The following PIP5K1B variants were observed in gnomAD, a reference collection of about 807,000 sequenced individuals.
The protein encoded by PIP5K1B is phosphatidylinositol-4-phosphate 5-kinase type 1 beta.
In PIP5K1B, 42 loss-of-function variants were observed where a neutral mutation model predicts 67.0. The ratio of observed to expected loss-of-function variants is 0.63; its 90% CI spans 0.49 to 0.81. The LOEUF is 0.81. Ranked by LOEUF, PIP5K1B falls within the 30% of genes least tolerant of loss-of-function variation. The pLI is 0.00. For synonymous variants in PIP5K1B, 214 were observed against 231.4 expected (o/e 0.92, Z 0.68); for missense variants, 459 against 646.3 (o/e 0.71, Z 3.14).
At chr9:68,926,659 C>A (rs901845480) in intron 12 of PIP5K1B, among the ~76,000 whole-genome samples, 2 of 152,118 alleles carry the variant, frequency 1.3e-5, no homozygotes, top group African/African-American at 4.8e-5. Context: ...GCAACCTCTG[C>A]CTCCTGGGTT....
At chr9:68,969,457 G>C (rs1433053899) in intron 14 of PIP5K1B, among the ~76,000 whole-genome samples, 1 of 152,002 alleles carries the variant, frequency 6.6e-6, no homozygotes, top group Non-Finnish European at 1.5e-5. Flanking sequence ...CTATTATTAG[G>C]GGTGCTGATT....
At chr9:68,913,747 G>A (rs1019403920) in intron 8 of PIP5K1B, among the ~76,000 whole-genome samples, 1 of 152,010 alleles carries the variant, frequency 6.6e-6, no homozygotes. Flanking sequence ...TTGGCCTCAC[G>A]AGGACAACTC....
chr9:69,005,933 G>A (rs866496739), intron 15 of PIP5K1B, among the ~76,000 whole-genome samples: 1 of 151,486 alleles, frequency 6.6e-6, no homozygotes, highest in Admixed American at 6.6e-5. Context: ...AGGCTGGAAT[G>A]CAGCAGTGTG....
chr9:68,972,219 C>T (rs1306073456), intron 14 of PIP5K1B, among the ~76,000 whole-genome samples: 2 of 152,134 alleles, frequency 1.3e-5, no homozygotes, highest in Admixed American at 6.6e-5. Flanking sequence ...AGCCAGTTTT[C>T]CCAACACCAT....
At chr9:68,741,753 CTT>C (rs1463383093) in intron 1 of PIP5K1B, 2 of 152,288 alleles carry the variant, frequency 1.3e-5, no homozygotes, top group African/African-American at 4.8e-5. Flanking sequence ...CTCTTCCTCT[CTT>C]TGGCATTTCT....
intron 14 of PIP5K1B, among the ~76,000 whole-genome samples, chr9:68,955,315 A>T (rs1587715960): frequency 6.6e-6 from 1 of 152,218 alleles, no homozygotes; most frequent in African/African-American, 2.4e-5. Context: ...ATGTACATTG[A>T]TCACTTTTAT....
intron 2 of PIP5K1B, chr9:68,781,308 G>T: frequency 3.3e-6 from 1 of 305,500 alleles, no homozygotes; most frequent in South Asian, 6.4e-5. Flanking sequence ...GTTATCCCTT[G>T]ATTTTTTTAA....
chr9:68,894,298 A>G (rs767154644), intron 7 of PIP5K1B, 41 bp from the exon 8 acceptor site: 2 of 1,290,526 alleles, frequency 1.5e-6, no homozygotes, highest in Non-Finnish European at 2.2e-6. Context: ...TTTTGTCAAA[A>G]TAGAAGATTG....
chr9:68,928,544 G>C (rs1826825251), intron 12 of PIP5K1B, among the ~76,000 whole-genome samples: 1 of 152,018 alleles, frequency 6.6e-6, no homozygotes, highest in Non-Finnish European at 1.5e-5. Flanking sequence ...TTTAATCTAT[G>C]TTGTATTCAT....
At chr9:69,000,148 C>T (rs1471564183) in intron 15 of PIP5K1B, among the ~76,000 whole-genome samples, 2 of 152,176 alleles carry the variant, frequency 1.3e-5, no homozygotes, top group East Asian at 1.9e-4. Flanking sequence ...TTGAAAGGCT[C>T]CCTTGGCAGA....
intron 7 of PIP5K1B, among the ~76,000 whole-genome samples, chr9:68,893,333 C>CT (rs397792694): frequency 0.12 from 13,523 of 110,734 alleles, 1,741 homozygotes; most frequent in Middle Eastern, 0.18. Context: ...TATTTTTTTT[C>CT]TTTTTTTTTT....
In PIP5K1B at chr9:68,863,987, T is replaced by A; in HGVS notation, c.200+20T>A. The A allele has an allele frequency of 1.2e-6, 2 of 1,612,052 alleles. No homozygotes were observed. Among genetic ancestry groups the A allele is most frequent in the South Asian group, 2.2e-5 (2 of 90,888 alleles). On this transcript the variant is annotated intron_variant, in intron 5 of 15. Coordinates refer to ENST00000265382, the MANE Select transcript of PIP5K1B (RefSeq NM_003558.4). ...ACCCAGGTAAGAACATTTTTATTTG[T>A]GATGATTTCCATGCTAAGGAACCTT... is the stretch of plus-strand genomic sequence containing the variant.
chr9:68,716,551 A>C (rs932826987), intron 1 of PIP5K1B, among the ~76,000 whole-genome samples: 5 of 152,246 alleles, frequency 3.3e-5, no homozygotes, highest in Non-Finnish European at 7.3e-5. Context: ...CATACCAGTC[A>C]GAATGGCTAT....
intron 14 of PIP5K1B, among the ~76,000 whole-genome samples, chr9:68,978,881 C>T (rs1829757469): frequency 6.6e-6 from 1 of 152,162 alleles, no homozygotes; most frequent in Non-Finnish European, 1.5e-5. Context: ...GGGCTTTTCT[C>T]CTTCGTTTTT....
chr9:68,734,375 A>G (rs1460890666), intron 1 of PIP5K1B, among the ~76,000 whole-genome samples: 1 of 152,204 alleles, frequency 6.6e-6, no homozygotes, highest in Non-Finnish European at 1.5e-5. Flanking sequence ...CCTATGTAGG[A>G]GGCACACAGA....
At position 68,928,105 on chromosome 9, in the gene PIP5K1B, C is replaced by A. The variant is rs188876066; in HGVS notation, c.1201+4719C>A. Among the ~76,000 whole-genome samples, 10 of 152,018 alleles carry A rather than the reference C, an allele frequency of 6.6e-5. 2 individuals carry two copies. Among genetic ancestry groups the A allele is most frequent in the African/African-American group, 2.4e-4 (10 of 41,488 alleles). The stretch of plus-strand genomic sequence containing the variant: ...AAAAAGGAAAAGAAAGTCGATTGAC[C>A]ACAATTATAATAAGGATTTACTTCT... On this transcript the variant is annotated intron_variant, in intron 12 of 15. Transcript: ENST00000265382.
intron 15 of PIP5K1B, among the ~76,000 whole-genome samples, chr9:68,996,344 C>A (rs1830600347): frequency 6.6e-6 from 1 of 152,190 alleles, no homozygotes; most frequent in Non-Finnish European, 1.5e-5. Context: ...TCTAGTTATT[C>A]TGCATGGCTT....
intron 4 of PIP5K1B, among the ~76,000 whole-genome samples, chr9:68,832,790 C>T (rs1247518770): frequency 1.3e-5 from 2 of 152,184 alleles, no homozygotes; most frequent in Admixed American, 1.3e-4. Flanking sequence ...ATGAGCTACT[C>T]TTCCTCTTAA....
At position 68,829,953 on chromosome 9, in the gene PIP5K1B, C is replaced by T. The variant is rs148546458; in HGVS notation, c.69+7270C>T. 4.4e-3 allele frequency among the ~76,000 whole-genome samples: 674 copies of T among 152,210 alleles called. 5 individuals carry two copies. The highest frequency in any genetic ancestry group is 6.8e-3 in the Middle Eastern group (2 of 294). ...TTCCCGGGGAGAAGGGTTACTTAGT[C>T]TCCTGGGGGTAGCTGCAGTCAAGCC... On this transcript the variant is annotated intron_variant, in intron 4 of 15. Coordinates refer to ENST00000265382, the MANE Select transcript of PIP5K1B (RefSeq NM_003558.4).
Sources: gnomAD v4.1 joint callset for allele counts (sites outside exome capture counted in the v4.1 genomes callset) on GRCh38, gnomAD v4.1.1 for gene constraint, MANE v1.5 for transcripts, NCBI Gene and HGNC (gene_info 2026-07-23, HGNC 2026-07-21) for gene names.